Variants in SLIT2 observed in about 807,000 individuals in gnomAD.
SLIT2 encodes the protein slit guidance ligand 2, also known as slit homolog 2 protein.
In SLIT2, 41 loss-of-function variants were observed where a neutral mutation model predicts 185.7. The ratio of observed to expected loss-of-function variants is 0.22; its 90% confidence interval spans 0.17 to 0.29. SLIT2 has a LOEUF of 0.29. Among genes scored for constraint, SLIT2 ranks in the 10% least tolerant of loss-of-function variants. The pLI, the probability that SLIT2 is intolerant of heterozygous loss-of-function variation, is 1.00. For synonymous variants in SLIT2, 693 were observed against 680.2 expected, an observed-to-expected ratio of 1.02 and a Z score of -0.29; for missense variants, 1,571 against 1,909.0, an observed-to-expected ratio of 0.82 and a Z score of 3.30.
At chr4:20,388,806 T>TATAA (rs1207091975) in intron 4 of SLIT2, among the ~76,000 whole-genome samples, 9 of 144,302 alleles carry the variant, frequency 6.2e-5, no homozygotes, top group Non-Finnish European at 9.0e-5. Flanking sequence ...TATATATATA[T>TATAA]AACATATGTA....
chr4:20,321,485 AC>A (rs1719077681), intron 4 of SLIT2, among the ~76,000 whole-genome samples: 2 of 152,270 alleles, frequency 1.3e-5, no homozygotes, highest in African/African-American at 4.8e-5. Context: ...GGTGTGTAGG[AC>A]CCCAGTGACT....
At chr4:20,274,349 A>T (rs1036876497) in intron 4 of SLIT2, among the ~76,000 whole-genome samples, 2 of 152,146 alleles carry the variant, frequency 1.3e-5, no homozygotes, top group African/African-American at 2.4e-5. Context: ...TATTTAACCA[A>T]AACTTTATTT....
chr4:20,355,432 T>C (rs1722238152), intron 4 of SLIT2, among the ~76,000 whole-genome samples: 1 of 152,220 alleles, frequency 6.6e-6, no homozygotes, highest in South Asian at 2.1e-4. Context: ...ACATGTTTAA[T>C]TATTACTCAC....
chr4:20,582,822 A>G (rs1326231430), intron 29 of SLIT2, among the ~76,000 whole-genome samples: 2 of 152,166 alleles, frequency 1.3e-5, no homozygotes, highest in African/African-American at 2.4e-5. Context: ...CTTTGGGGCC[A>G]TTATTAAGTA....
intron 4 of SLIT2, among the ~76,000 whole-genome samples, chr4:20,377,464 C>T (rs1724120220): frequency 6.6e-6 from 1 of 152,044 alleles, no homozygotes; most frequent in African/African-American, 2.4e-5. Context: ...ATAAGCCCTA[C>T]CCTCCCCTGT....
chr4:20,328,469 C>A (rs1023854967), intron 4 of SLIT2, among the ~76,000 whole-genome samples: 4 of 151,688 alleles, frequency 2.6e-5, no homozygotes, highest in African/African-American at 9.7e-5. Flanking sequence ...CTATAAGGTT[C>A]AAAAATGTTA....
chr4:20,489,221 A>G (rs1717550814), intron 8 of SLIT2, among the ~76,000 whole-genome samples: 1 of 152,180 alleles, frequency 6.6e-6, no homozygotes, highest in Non-Finnish European at 1.5e-5. Flanking sequence ...TTTTCACTCC[A>G]GGGGAAAATA....
At chr4:20,390,936 T>C (rs1231167847) in intron 4 of SLIT2, among the ~76,000 whole-genome samples, 2 of 152,014 alleles carry the variant, frequency 1.3e-5, no homozygotes, top group African/African-American at 4.8e-5. Context: ...TTCAAGTTCA[T>C]TGGAAAAAAT....
Position 20,486,222 on chromosome 4 carries a change from A to G in SLIT2, c.562A>G (p.Thr188Ala). 1 of 1,604,898 alleles carries G rather than the reference A, an allele frequency of 6.2e-7. No homozygotes were observed. The change falls in exon 7 of 37, where the codon ACT becomes GCT. Residue 188 changes from threonine (T) to alanine (A), a missense_variant. Thr to Ala is a moderately conservative substitution (Grantham distance 58, BLOSUM62 0). Coordinates refer to ENST00000504154, the MANE Select transcript of SLIT2 (RefSeq NM_004787.4). ...CAGCACTCTCAACAATAACAACATT[A>G]CTAGACTTTCTGTGGCAAGTTTCAA... ...EVLTLNNNNI[T>A]RLSVASFNHM...
intron 4 of SLIT2, among the ~76,000 whole-genome samples, chr4:20,417,231 T>G (rs1179598684): frequency 6.6e-6 from 1 of 151,842 alleles, no homozygotes; most frequent in East Asian, 1.9e-4. Context: ...TATTCCTTTC[T>G]TAGTGTTTCT....
chr4:20,483,865 C>T (rs942295227), intron 6 of SLIT2, among the ~76,000 whole-genome samples: 8 of 151,890 alleles, frequency 5.3e-5, no homozygotes, highest in African/African-American at 1.9e-4. Context: ...GGAAGTTGAC[C>T]ATAACCATAA....
At position 20,618,888 on chromosome 4, in the gene SLIT2, A is replaced by G; in HGVS notation, c.4469A>G (p.Gln1490Arg). Residue 1490 changes from glutamine to arginine, a missense_variant, in exon 37 of 37, where the codon CAG becomes CGG. This residue lies in a region of SLIT2 where 223 missense variants were observed against 245.2 expected (regional missense o/e 0.91). Coordinates refer to ENST00000504154, the MANE Select transcript of SLIT2 (RefSeq NM_004787.4). Reference sequence around the variant, plus strand: ...TGCAGAGGTGGGTGTGCAGGAGGGCAGTGCTGTGGACCGCTGAGGAGCAAG... The same window carrying G: ...TGCAGAGGTGGGTGTGCAGGAGGGCGGTGCTGTGGACCGCTGAGGAGCAAG... ...LECRGGCAGG[Q>R]CCGPLRSKRR... is the part of the protein sequence containing the mutation. The G allele has an allele frequency of 1.2e-6, 2 of 1,614,174 alleles. No individual in the cohort carries two copies. Among genetic ancestry groups the G allele is most frequent in the Non-Finnish European group, 1.7e-6 (2 of 1,180,022 alleles).
chr4:20,531,063 T>C (rs1721762671), intron 16 of SLIT2, among the ~76,000 whole-genome samples: 1 of 152,122 alleles, frequency 6.6e-6, no homozygotes, highest in Non-Finnish European at 1.5e-5. Flanking sequence ...ATGGAAATCT[T>C]TTTTGCTATT....
intron 4 of SLIT2, among the ~76,000 whole-genome samples, chr4:20,440,529 TAAAA>T (rs35114187): frequency 2.0e-5 from 3 of 150,224 alleles, no homozygotes; most frequent in African/African-American, 7.3e-5. Flanking sequence ...TATACGGCCC[TAAAA>T]AAAAAGCAAC....
At chr4:20,541,388 G>A (rs2148877435) in intron 19 of SLIT2, 65 bp from the exon 20 acceptor site, 6 of 1,408,960 alleles carry the variant, frequency 4.3e-6, no homozygotes, top group Non-Finnish European at 6.0e-6. Context: ...GGGTAGCTGG[G>A]GTTTAGAGAA....
chr4:20,344,701 GTGAA>G (rs1448425467), intron 4 of SLIT2, among the ~76,000 whole-genome samples: 1 of 152,042 alleles, frequency 6.6e-6, no homozygotes, highest in Non-Finnish European at 1.5e-5. Flanking sequence ...GAACTGCTTT[GTGAA>G]TGGTCACTGT....
intron 22 of SLIT2, among the ~76,000 whole-genome samples, chr4:20,546,470 A>G (rs1723261617): frequency 6.6e-6 from 1 of 152,142 alleles, no homozygotes; most frequent in Non-Finnish European, 1.5e-5. Context: ...TAAGCGAAAG[A>G]TGGTAGGTGG....
intron 4 of SLIT2, among the ~76,000 whole-genome samples, chr4:20,328,026 ACT>A (rs986267391): frequency 6.6e-6 from 1 of 151,956 alleles, no homozygotes; most frequent in African/African-American, 2.4e-5. Flanking sequence ...AGTCAACAGG[ACT>A]CCTGAGAATG....
chr4:20,384,768 C>T (rs1301349244), intron 4 of SLIT2, among the ~76,000 whole-genome samples: 1 of 152,014 alleles, frequency 6.6e-6, no homozygotes, highest in Non-Finnish European at 1.5e-5. Context: ...GAAATCAGGC[C>T]AAGCAGCAGC....
Sources: allele counts gnomAD v4.1 joint callset (sites outside exome capture counted in the v4.1 genomes callset), GRCh38; gene constraint gnomAD v4.1.1; regional missense constraint gnomAD v4.1.1; transcripts MANE v1.5; gene names NCBI Gene and HGNC (gene_info 2026-07-23, HGNC 2026-07-21).